OCA2: variants seen among roughly 807,000 people sequenced by gnomAD.
OCA2 encodes the protein P protein.
A neutral mutation model predicts 100.2 loss-of-function variants in OCA2; 77 were observed. The ratio of observed to expected loss-of-function variants is 0.77; its 90% CI spans 0.64 to 0.93. The LOEUF (loss-of-function observed/expected upper bound fraction) is 0.93, where lower values mean the gene tolerates loss of function less well. Among genes scored for constraint, OCA2 ranks in the 40% least tolerant of loss-of-function variants. OCA2 has a pLI of 0.00. For synonymous variants in OCA2, 432 were observed against 439.2 expected, an observed-to-expected ratio of 0.98 and a Z score of 0.21; for missense variants, 1,062 against 1,089.1, an observed-to-expected ratio of 0.98 and a Z score of 0.35.
intron 19 of OCA2, among the ~76,000 whole-genome samples, chr15:27,908,937 T>C (rs2038282817): frequency 6.6e-6 from 1 of 152,176 alleles, no homozygotes; most frequent in Non-Finnish European, 1.5e-5. Context: ...CTTCTGAAAT[T>C]TGAGTTCCCA....
chr15:27,790,787 A>ATTT (rs35991529), intron 23 of OCA2, among the ~76,000 whole-genome samples: 31 of 141,180 alleles, frequency 2.2e-4, no homozygotes, highest in African/African-American at 6.6e-4. Flanking sequence ...ATTACCCTGA[A>ATTT]TTTTTTTTTT....
At chr15:27,940,829 G>T (rs1385750973) in intron 18 of OCA2, among the ~76,000 whole-genome samples, 2 of 152,102 alleles carry the variant, frequency 1.3e-5, no homozygotes, top group Admixed American at 1.3e-4. Flanking sequence ...CCGAAAAACT[G>T]CTTTTTATTA....
intron 17 of OCA2, among the ~76,000 whole-genome samples, chr15:27,953,953 C>T (rs1437998831): frequency 3.9e-5 from 6 of 151,954 alleles, no homozygotes; most frequent in Non-Finnish European, 7.4e-5. Flanking sequence ...TTATATCATT[C>T]TTATGCCTTT....
At chr15:27,748,107 C>A in the OCA2 span, among the ~76,000 whole-genome samples, 2 of 152,196 alleles carry the variant, frequency 1.3e-5, no homozygotes, top group African/African-American at 4.8e-5. Flanking sequence ...GTCCCACCAA[C>A]AATACCAGGT....
intron 11 of OCA2, among the ~76,000 whole-genome samples, 158 bp from the exon 12 acceptor site, chr15:27,986,801 A>T (rs1434215030): frequency 6.6e-6 from 1 of 152,198 alleles, no homozygotes; most frequent in Non-Finnish European, 1.5e-5. Flanking sequence ...CACTTCCTGG[A>T]ATAGTACACT....
In OCA2 at chr15:27,897,683, T is replaced by C. The variant is rs543248411; in HGVS notation, c.2080-25761A>G. 2.7e-3 allele frequency among the ~76,000 whole-genome samples: 409 copies of C among 152,220 alleles called. 2 individuals are homozygous for C. Among genetic ancestry groups the C allele is most frequent in the African/African-American group, 9.5e-3 (395 of 41,546 alleles). ...CAGCAGAAAAATGTGGGGTCAGAGG[T>C]GCCACACTGAGGAGTCCCTACTGGG... On this transcript the variant is annotated intron_variant, in intron 19 of 23. Transcript: ENST00000354638.
intron 14 of OCA2, among the ~76,000 whole-genome samples, chr15:27,968,119 G>T (rs111677499): frequency 6.7e-6 from 1 of 150,046 alleles, no homozygotes; most frequent in East Asian, 2.0e-4. Flanking sequence ...ACGTCCTGGA[G>T]TAAGTCAGCA....
intron 22 of OCA2, among the ~76,000 whole-genome samples, chr15:27,850,431 T>G (rs141298040): frequency 5.2e-4 from 79 of 152,320 alleles, no homozygotes; most frequent in African/African-American, 1.9e-3. Flanking sequence ...CAGGTGTCCT[T>G]GGATCCTGTT....
chr15:27,952,709 C>T (rs1338244641), intron 17 of OCA2, among the ~76,000 whole-genome samples: 1 of 151,796 alleles, frequency 6.6e-6, no homozygotes, highest in Non-Finnish European at 1.5e-5. Context: ...GAGACAGTCT[C>T]ACTCTATCAC....
At chr15:27,821,485 C>T (rs4778186) in intron 23 of OCA2, among the ~76,000 whole-genome samples, 100,376 of 152,056 alleles carry the variant, frequency 0.66, 34,073 homozygotes, top group East Asian at 1. Flanking sequence ...TGCATATGCA[C>T]GCACACCCAC....
At chr15:27,998,441 T>C (rs1321593558) in intron 9 of OCA2, among the ~76,000 whole-genome samples, 1 of 134,646 alleles carries the variant, frequency 7.4e-6, no homozygotes, top group East Asian at 2.1e-4. Context: ...AAAAGACACA[T>C]GAAAAAATGC....
chr15:27,770,875 T>C (rs1183752905), intron 23 of OCA2, among the ~76,000 whole-genome samples: 22 of 130,986 alleles, frequency 1.7e-4, no homozygotes, highest in African/African-American at 4.8e-4. Context: ...CCTTCCCTCC[T>C]TCCTTTGCTC....
At chr15:27,743,298 C>T in the OCA2 span, among the ~76,000 whole-genome samples, 20 of 152,146 alleles carry the variant, frequency 1.3e-4, no homozygotes, top group Admixed American at 8.5e-4. Flanking sequence ...CCAATGGATG[C>T]GGAGACGAGC....
rs1380448596 is a variant in OCA2 at position 27,800,368 on chromosome 15, T to TA, written c.2432+44590_2432+44591insT. On this transcript the variant is annotated intron_variant, in intron 23 of 23. Coordinates refer to ENST00000354638, the MANE Select transcript of OCA2 (RefSeq NM_000275.3). ...AGATCAAAGGAGAAATCAATGAAAT[T>TA]TAAAAAAACACAGAATGAAATCGAA... 9.8e-4 allele frequency among the ~76,000 whole-genome samples: 148 copies of TA among 151,666 alleles called. 1 individual carries two copies. Among genetic ancestry groups the TA allele is most frequent in the African/African-American group, 2.5e-3 (102 of 41,354 alleles).
At chr15:27,831,724 G>A (rs2034965785) in intron 23 of OCA2, among the ~76,000 whole-genome samples, 1 of 152,198 alleles carries the variant, frequency 6.6e-6, no homozygotes, top group African/African-American at 2.4e-5. Flanking sequence ...TGCAGGGAGA[G>A]GCAGAGATGA....
chr15:27,954,116 T>TAC (rs200633980), intron 17 of OCA2, among the ~76,000 whole-genome samples: 6,771 of 46,338 alleles, frequency 0.15, 210 homozygotes, highest in Non-Finnish European at 0.25. Flanking sequence ...TTCCATGGCA[T>TAC]ACACACACAC....
the OCA2 span, among the ~76,000 whole-genome samples, chr15:27,722,180 A>G: frequency 6.6e-6 from 1 of 152,238 alleles, no homozygotes; most frequent in Non-Finnish European, 1.5e-5. Context: ...CATCTGCTGT[A>G]TCCGCCGTAC....
intron 18 of OCA2, among the ~76,000 whole-genome samples, chr15:27,946,433 T>G (rs2039838782): frequency 6.6e-6 from 1 of 152,222 alleles, no homozygotes; most frequent in Non-Finnish European, 1.5e-5. Context: ...CATAGGCTGC[T>G]GTATGTTCAA....
chr15:28,097,864 C>A (rs1299883522), intron 1 of OCA2, among the ~76,000 whole-genome samples: 1 of 152,176 alleles, frequency 6.6e-6, no homozygotes, highest in Non-Finnish European at 1.5e-5. Context: ...TGGCTTTCTT[C>A]AACTCCCCAG....
Sources: gnomAD v4.1 joint callset for allele counts (sites outside exome capture counted in the v4.1 genomes callset) on GRCh38, gnomAD v4.1.1 for gene constraint, MANE v1.5 for transcripts, NCBI Gene and HGNC (gene_info 2026-07-23, HGNC 2026-07-21) for gene names.